The following ANO1 variants were observed in gnomAD, a reference collection of about 807,000 sequenced individuals.
The protein encoded by ANO1 is anoctamin 1, also known as anoctamin-1.
Under a neutral mutation model 124.0 loss-of-function variants are expected in ANO1, and 59 were observed. That is an observed-to-expected ratio of 0.48 (90% CI 0.39 to 0.59). ANO1 has a LOEUF of 0.59. Ranked by LOEUF, ANO1 falls within the 20% of genes least tolerant of loss-of-function variation. ANO1 has a pLI of 0.00. For missense variants in ANO1, 1,059 were observed against 1,328.0 expected, an observed-to-expected ratio of 0.80 and a Z score of 3.15; for synonymous variants, 529 against 532.0, an observed-to-expected ratio of 0.99 and a Z score of 0.08.
chr11:69,976,614 A>G, the ANO1 span, among the ~76,000 whole-genome samples: 160 of 148,706 alleles, frequency 1.1e-3, 1 homozygote, highest in African/African-American at 3.9e-3. Context: ...TCATGTGGGG[A>G]CACAGGGAGA....
Position 70,116,445 on chromosome 11 carries a change from CT to C in ANO1, c.856-6del, listed in dbSNP as rs772422314. The C allele has an allele frequency of 1.3e-6, 2 of 1,593,562 alleles. No homozygotes were observed. The highest frequency in any genetic ancestry group is 1.7e-6 in the Non-Finnish European group (2 of 1,169,814). On this transcript the variant is annotated splice_polypyrimidine_tract_variant and intron_variant, in intron 7 of 25. Transcript: ENST00000355303. The stretch of plus-strand genomic sequence containing the variant: ...TGGATGATAAGAACGTCCCTTTCCT[CT>C]TTTTTTAACAGGGAGACTACAACGG...
At chr11:70,155,349 G>A (rs1169404118) in intron 14 of ANO1, among the ~76,000 whole-genome samples, 2 of 152,190 alleles carry the variant, frequency 1.3e-5, no homozygotes, top group East Asian at 3.9e-4. Flanking sequence ...CAGAGGCATG[G>A]GGGTTTACTT....
intron 10 of ANO1, among the ~76,000 whole-genome samples, chr11:70,128,033 G>A (rs2046593212): frequency 6.6e-6 from 1 of 152,242 alleles, no homozygotes; most frequent in Admixed American, 6.5e-5. Flanking sequence ...TGTATCCACT[G>A]AGCCTGTCTG....
chr11:70,067,036 C>G (rs947993501), intron 1 of ANO1, among the ~76,000 whole-genome samples: 3 of 152,168 alleles, frequency 2.0e-5, no homozygotes, highest in African/African-American at 7.2e-5. Flanking sequence ...ACTCATGTGA[C>G]CAAAAATCCT....
intron 1 of ANO1, among the ~76,000 whole-genome samples, chr11:70,032,374 C>T (rs1356458731): frequency 6.6e-6 from 1 of 152,088 alleles, no homozygotes; most frequent in Non-Finnish European, 1.5e-5. Flanking sequence ...GCAGGTGCCC[C>T]TGGGAGAAGC....
At position 70,104,014 on chromosome 11, in the gene ANO1, G is replaced by A; in HGVS notation, c.556G>A (p.Glu186Lys). The A allele has an allele frequency of 1.9e-6, 3 of 1,612,030 alleles. No individual in the cohort carries two copies. The highest frequency in any genetic ancestry group is 2.2e-5 in the South Asian group (2 of 90,580). Residue 186 changes from glutamate to lysine, a missense_variant, in exon 4 of 26, where the codon GAG becomes AAG. Transcript: ENST00000355303. The stretch of plus-strand genomic sequence containing the variant: ...TTATCTGCAGATGTACCACATTAAT[G>A]AGACCCGTGGCCTCCTGAAAAAAAT... ...MPTKKMYHIN[E>K]TRGLLKKINS... is the part of the protein sequence containing the mutation.
At chr11:70,125,905 C>A (rs892813131) in intron 9 of ANO1, among the ~76,000 whole-genome samples, 156 bp from the exon 10 acceptor site, 2 of 151,528 alleles carry the variant, frequency 1.3e-5, no homozygotes, top group African/African-American at 4.8e-5. Context: ...GCACCCCCAA[C>A]CTGATGGGGC....
At chr11:70,060,002 C>T (rs1857538099) in intron 1 of ANO1, among the ~76,000 whole-genome samples, 2 of 116,070 alleles carry the variant, frequency 1.7e-5, no homozygotes, top group South Asian at 6.1e-4. Context: ...AGACATTTTC[C>T]TTTGCAATAA....
chr11:69,970,495 C>A, the ANO1 span, among the ~76,000 whole-genome samples: 3 of 152,280 alleles, frequency 2.0e-5, no homozygotes, highest in African/African-American at 7.2e-5. Context: ...ACGCGGGAGG[C>A]AGGGGCTGTT....
intron 22 of ANO1, among the ~76,000 whole-genome samples, chr11:70,172,132 A>AAGAAAAG (rs1555052148): frequency 0.021 from 2,908 of 141,562 alleles, 40 homozygotes; most frequent in Middle Eastern, 0.029. Context: ...AAAAAAAAAA[A>AAGAAAAG]AAAAGAAAAG....
At position 70,162,294 on chromosome 11, in the gene ANO1, C is replaced by A. The variant is rs190702293; in HGVS notation, c.1892+561C>A. On this transcript the variant is annotated intron_variant, in intron 18 of 25. Coordinates refer to ENST00000355303, the MANE Select transcript of ANO1 (RefSeq NM_018043.7). ...CAGTGGGGACCCCGGGCAGTGGGGA[C>A]CCCAGGCAGTGAGGACCCTGGGCAG... 4.6e-5 allele frequency among the ~76,000 whole-genome samples: 7 copies of A among 151,398 alleles called. No homozygotes were observed. In the East Asian group the frequency reaches 1.4e-3, roughly 30 times the overall value.
chr11:70,165,102 G>T (rs1590899439), intron 19 of ANO1, among the ~76,000 whole-genome samples: 1 of 152,106 alleles, frequency 6.6e-6, no homozygotes, highest in Non-Finnish European at 1.5e-5. Flanking sequence ...GACCTGCCTT[G>T]CCTCTCCCAG....
upstream of ANO1, among the ~76,000 whole-genome samples, chr11:69,983,571 G>T (rs1554996524): frequency 6.6e-6 from 1 of 151,892 alleles, no homozygotes; most frequent in Non-Finnish European, 1.5e-5. Flanking sequence ...AAATAAGCAG[G>T]GTGCTCCGGG....
At chr11:70,174,559 C>T (rs942155291) in intron 22 of ANO1, among the ~76,000 whole-genome samples, 4 of 152,178 alleles carry the variant, frequency 2.6e-5, no homozygotes, top group African/African-American at 9.7e-5. Flanking sequence ...AAATTGGCAT[C>T]ACAGAGCTGC....
intron 10 of ANO1, among the ~76,000 whole-genome samples, chr11:70,130,454 G>A (rs556176543): frequency 3.9e-4 from 59 of 152,312 alleles, no homozygotes; most frequent in African/African-American, 1.3e-3. Context: ...TTCCCACTCT[G>A]CTGCGTGGCC....
intron 11 of ANO1, among the ~76,000 whole-genome samples, chr11:70,133,011 C>T (rs1369988708): frequency 6.6e-6 from 1 of 152,136 alleles, no homozygotes; most frequent in Non-Finnish European, 1.5e-5. Flanking sequence ...GTGGGGGAGG[C>T]AGCATTTGTG....
At chr11:69,978,135 T>A in the ANO1 span, among the ~76,000 whole-genome samples, 1 of 152,142 alleles carries the variant, frequency 6.6e-6, no homozygotes, top group Non-Finnish European at 1.5e-5. Flanking sequence ...CTGCTCCCTG[T>A]GCAAAGAACC....
chr11:70,164,614 G>C (rs1590898169), intron 19 of ANO1, among the ~76,000 whole-genome samples: 1 of 152,188 alleles, frequency 6.6e-6, no homozygotes, highest in South Asian at 2.1e-4. Flanking sequence ...TGCCTCAGGG[G>C]TCACCATGCA....
At position 70,088,003 on chromosome 11, in the gene ANO1, C is replaced by T. The variant is rs749354018; in HGVS notation, c.360C>T (p.His120=). 13 of 1,551,932 alleles carry T rather than the reference C, an allele frequency of 8.4e-6. No individual in the cohort carries two copies. The highest frequency in any genetic ancestry group is 3.9e-5 in the Admixed American group (2 of 51,830). The change falls in exon 2 of 26, where the codon CAC becomes CAT. Residue 120 remains histidine (H), a synonymous_variant. Coordinates refer to ENST00000355303, the MANE Select transcript of ANO1 (RefSeq NM_018043.7). The part of the protein sequence containing the change: ...AGSGEPPMDY[H]EDDKRFRREE... Reference sequence around the variant, plus strand: ...CGGGGGAGCCCCCGATGGACTACCACGAGGATGACAAGCGCTTCCGCAGGG... The same window carrying T: ...CGGGGGAGCCCCCGATGGACTACCATGAGGATGACAAGCGCTTCCGCAGGG...
Sources: gnomAD v4.1 joint callset for allele counts (sites outside exome capture counted in the v4.1 genomes callset) on GRCh38, gnomAD v4.1.1 for gene constraint, MANE v1.5 for transcripts, NCBI Gene and HGNC (gene_info 2026-07-23, HGNC 2026-07-21) for gene names.